The following TLK1 variants were observed in gnomAD, a reference collection of about 807,000 sequenced individuals.
TLK1 encodes serine/threonine-protein kinase tousled-like 1.
A neutral mutation model predicts 105.3 loss-of-function variants in TLK1; 24 were observed. The ratio of observed to expected loss-of-function variants is 0.23; its 90% CI spans 0.17 to 0.32. TLK1 has a LOEUF of 0.32. TLK1 is among the 10% of genes least tolerant of loss of function. TLK1 has a pLI of 1.00. For missense variants in TLK1, 558 were observed against 910.5 expected (o/e 0.61, Z 4.98); for synonymous variants, 321 against 310.4 (o/e 1.03, Z -0.36).
chr2:171,212,981 G>T (rs4668374), intron 1 of TLK1, among the ~76,000 whole-genome samples: 41,950 of 151,668 alleles, frequency 0.28, 6,605 homozygotes, highest in South Asian at 0.45. Flanking sequence ...TCTTTGCTAT[G>T]AAAAAAGTCA....
At chr2:171,069,030 CA>C in intron 3 of TLK1, among the ~76,000 whole-genome samples, 1 of 152,236 alleles carries the variant, frequency 6.6e-6, no homozygotes, top group East Asian at 1.9e-4. Flanking sequence ...AGTCTAAAAG[CA>C]ACATTTATCA....
At chr2:171,018,660 C>T (rs984774209) in intron 12 of TLK1, among the ~76,000 whole-genome samples, 1 of 152,206 alleles carries the variant, frequency 6.6e-6, no homozygotes, top group Non-Finnish European at 1.5e-5. Flanking sequence ...CATAGCAAAA[C>T]TAGGCCAGAC....
At position 171,053,788 on chromosome 2, in the gene TLK1, C is replaced by T. The variant is rs1687364565; in HGVS notation, c.705G>A (p.Lys235=). The T allele has an allele frequency of 1.2e-6, 2 of 1,610,234 alleles. No homozygotes were observed. Among genetic ancestry groups the T allele is most frequent in the African/African-American group, 1.3e-5 (1 of 74,642 alleles). The change falls in exon 8 of 21, where the codon AAG becomes AAA. Residue 235 remains lysine, a synonymous_variant. Coordinates refer to ENST00000431350, the MANE Select transcript of TLK1 (RefSeq NM_012290.5). ...ESNKIQDLEK[K]EGRIDDLLRA... ...TGAGCAAATCATCTATACGTCCCTC[C>T]TTCTTTTCCAGGTCCTGGATTTTAT...
chr2:171,000,249 G>C (rs940835825), intron 18 of TLK1, among the ~76,000 whole-genome samples: 2 of 151,790 alleles, frequency 1.3e-5, no homozygotes, highest in Non-Finnish European at 2.9e-5. Flanking sequence ...ATGGTGGCGG[G>C]CACCTGTAAT....
At chr2:171,134,075 A>G (rs1281166390) in intron 1 of TLK1, among the ~76,000 whole-genome samples, 1 of 152,078 alleles carries the variant, frequency 6.6e-6, no homozygotes, top group Non-Finnish European at 1.5e-5. Flanking sequence ...CAGCATGTAA[A>G]CCTAAATGCC....
chr2:171,089,829 G>A (rs536535262), intron 2 of TLK1, among the ~76,000 whole-genome samples: 10 of 152,212 alleles, frequency 6.6e-5, no homozygotes, highest in South Asian at 4.1e-4. Flanking sequence ...ACAAGCCACC[G>A]TGCCTGGTTT....
At chr2:171,202,412 A>T (rs1432051262) in intron 1 of TLK1, among the ~76,000 whole-genome samples, 1 of 151,300 alleles carries the variant, frequency 6.6e-6, no homozygotes, top group Non-Finnish European at 1.5e-5. Context: ...GGATCGCGCC[A>T]TTGCACTCCA....
chr2:171,177,411 G>A (rs193030931), intron 1 of TLK1, among the ~76,000 whole-genome samples: 2 of 152,252 alleles, frequency 1.3e-5, no homozygotes, highest in East Asian at 3.9e-4. Context: ...CCAAAGTGCT[G>A]GGATTACAGG....
At chr2:171,121,403 G>A (rs945093698) in intron 1 of TLK1, among the ~76,000 whole-genome samples, 5 of 152,220 alleles carry the variant, frequency 3.3e-5, no homozygotes, top group African/African-American at 1.2e-4. Context: ...GTGGCAGTGA[G>A]CATCTGTAAT....
chr2:171,080,196 CAAAA>C (rs559492309), intron 3 of TLK1, among the ~76,000 whole-genome samples: 2 of 59,948 alleles, frequency 3.3e-5, no homozygotes, highest in Non-Finnish European at 7.0e-5. Context: ...GACTCCATCT[CAAAA>C]AAAAAAAAAA....
At chr2:171,136,033 C>T (rs1442934219) in intron 1 of TLK1, among the ~76,000 whole-genome samples, 1 of 152,120 alleles carries the variant, frequency 6.6e-6, no homozygotes, top group Admixed American at 6.5e-5. Flanking sequence ...TTCATAGCAG[C>T]ACTACTCACG....
chr2:171,026,253 G>A (rs932052957), intron 12 of TLK1, among the ~76,000 whole-genome samples: 1 of 152,012 alleles, frequency 6.6e-6, no homozygotes, highest in Non-Finnish European at 1.5e-5. Flanking sequence ...AGGTTAGAAG[G>A]TTTAGTGTTC....
At chr2:171,120,963 G>C (rs1690629837) in intron 1 of TLK1, among the ~76,000 whole-genome samples, 1 of 152,160 alleles carries the variant, frequency 6.6e-6, no homozygotes, top group African/African-American at 2.4e-5. Context: ...TATTCAGCCT[G>C]AAAAATGAAG....
intron 1 of TLK1, among the ~76,000 whole-genome samples, chr2:171,138,089 C>T (rs1691412287): frequency 1.3e-5 from 2 of 152,012 alleles, no homozygotes; most frequent in African/African-American, 4.8e-5. Context: ...GTTTGCATCA[C>T]TTTTATCACT....
intron 1 of TLK1, among the ~76,000 whole-genome samples, chr2:171,221,485 A>C (rs115658880): frequency 8.7e-4 from 132 of 152,340 alleles, no homozygotes; most frequent in Middle Eastern, 3.4e-3. Context: ...CTATTTTTTA[A>C]AAATCCAAAG....
At chr2:171,052,343 G>A (rs1169713730) in intron 8 of TLK1, among the ~76,000 whole-genome samples, 1 of 152,182 alleles carries the variant, frequency 6.6e-6, no homozygotes, top group Non-Finnish European at 1.5e-5. Flanking sequence ...CGTATGCCCT[G>A]TACTCTGGCT....
At chr2:171,220,756 TG>T (rs1267015104) in intron 1 of TLK1, among the ~76,000 whole-genome samples, 1 of 152,094 alleles carries the variant, frequency 6.6e-6, no homozygotes, top group Non-Finnish European at 1.5e-5. Context: ...GAAGGTGATT[TG>T]TAATACAGGT....
At chr2:171,174,486 A>G (rs757535787) in intron 1 of TLK1, among the ~76,000 whole-genome samples, 3 of 152,172 alleles carry the variant, frequency 2.0e-5, no homozygotes, top group Non-Finnish European at 2.9e-5. Context: ...TTAATTTGCC[A>G]AGGTACTCTT....
At chr2:171,192,083 C>T (rs1693165704) in intron 1 of TLK1, among the ~76,000 whole-genome samples, 1 of 152,110 alleles carries the variant, frequency 6.6e-6, no homozygotes, top group South Asian at 2.1e-4. Flanking sequence ...GGCTAGAGTA[C>T]AGTAGTGCAA....
Sources: allele counts gnomAD v4.1 joint callset (sites outside exome capture counted in the v4.1 genomes callset), GRCh38; gene constraint gnomAD v4.1.1; transcripts MANE v1.5; gene names NCBI Gene and HGNC (gene_info 2026-07-23, HGNC 2026-07-21).